IRAG1: variants seen among roughly 807,000 people sequenced by gnomAD.
IRAG1 encodes IP3R-associated cGMP kinase substrate.
IRAG1 carries 62 observed loss-of-function variants against 106.2 expected under a neutral mutation model. That is an observed-to-expected ratio of 0.58 (90% CI 0.48 to 0.72). IRAG1 has a LOEUF of 0.72. Among genes scored for constraint, IRAG1 ranks in the 30% least tolerant of loss-of-function variants. IRAG1 has a pLI of 0.00. For synonymous variants in IRAG1, 462 were observed against 443.9 expected (o/e 1.04, Z -0.51); for missense variants, 1,064 against 1,140.7 (o/e 0.93, Z 0.97).
intron 1 of IRAG1, among the ~76,000 whole-genome samples, chr11:10,680,303 AGGGAGG>A (rs1171334795): frequency 3.5e-5 from 3 of 86,910 alleles, no homozygotes; most frequent in Non-Finnish European, 6.4e-5. Context: ...AGAGAGAGAG[AGGGAGG>A]GAGGGAGGGA....
At chr11:10,603,098 A>AC in intron 14 of IRAG1, 22 bp downstream of exon 14, 1 of 1,603,360 alleles carries the variant, frequency 6.2e-7, no homozygotes, top group Non-Finnish European at 8.5e-7. Flanking sequence ...AGTTGGCAAG[A>AC]CCGGGGGCTG....
Position 10,574,675 on chromosome 11 carries a change from T to C in IRAG1, c.*1657A>G, listed in dbSNP as rs1175421526. On this transcript the variant is annotated 3_prime_UTR_variant, in exon 21 of 21. Coordinates refer to ENST00000423302, the MANE Select transcript of IRAG1 (RefSeq NM_130385.4). ...AACAGCTGGAAAAAAAACTAGTGAG[T>C]GGAGGTCCAGCACTATGAGAGAAAC... 2 of 151,634 alleles carry C rather than the reference T, an allele frequency of 1.3e-5. No individual in the cohort carries two copies. Among genetic ancestry groups the C allele is most frequent in the African/African-American group, 2.4e-5 (1 of 41,222 alleles). 9.4% of individuals were successfully genotyped at this position (151,634 alleles called of 1,614,324 possible).
At chr11:10,608,080 C>CT (rs1174939487) in intron 11 of IRAG1, among the ~76,000 whole-genome samples, 1 of 152,108 alleles carries the variant, frequency 6.6e-6, no homozygotes, top group Non-Finnish European at 1.5e-5. Flanking sequence ...TCACATTCTG[C>CT]TTTTTTGCTG....
intron 16 of IRAG1, 96 bp downstream of exon 16, chr11:10,594,050 C>A: frequency 1.8e-6 from 2 of 1,134,562 alleles, no homozygotes; most frequent in Non-Finnish European, 1.3e-6. Flanking sequence ...GATTCTCTGG[C>A]ATCCATGGAT....
At position 10,626,361 on chromosome 11, in the gene IRAG1, G is replaced by A. The variant is rs1464380178; in HGVS notation, c.973C>T (p.Pro325Ser). Reference sequence around the variant, plus strand: ...TGCTTCCCCAGCTCGCTCTCCACGGGGCCAGGCTGAGGGCTGTTCAGGGCC... The same window carrying A: ...TGCTTCCCCAGCTCGCTCTCCACGGAGCCAGGCTGAGGGCTGTTCAGGGCC... ...KMALNSPQPG[P>S]VESELGKQLL... The change falls in exon 9 of 21, where the codon CCC becomes TCC. Residue 325 changes from proline to serine, a missense_variant. Transcript: ENST00000423302. The A allele has an allele frequency of 1.9e-6, 3 of 1,613,696 alleles. No homozygotes were observed. The highest frequency in any genetic ancestry group is 1.3e-5 in the African/African-American group (1 of 74,930).
chr11:10,628,755 C>T lies in IRAG1; in HGVS notation c.648G>A (p.Pro216=), dbSNP rs188666587. Reference sequence around the variant, plus strand: ...CCCCGGGCAGCTGGGCCTCACCTGGCGGGGTGGGGACTGTAAGTGAGTTGC... The same window carrying T: ...CCCCGGGCAGCTGGGCCTCACCTGGTGGGGTGGGGACTGTAAGTGAGTTGC... The part of the protein sequence containing the change: ...SRSNSLTVPT[P]PGLDVCSGPP... Residue 216 remains proline, a synonymous_variant, in exon 6 of 21, where the codon CCG becomes CCA. Transcript: ENST00000423302. The surrounding 1 kb of genome is among the most constrained non-coding windows in gnomAD (Gnocchi z 4.1). 1.3e-3 allele frequency: 1,970 copies of T among 1,534,490 alleles called. 2 individuals are homozygous for T. Among genetic ancestry groups the T allele is most frequent in the Non-Finnish European group, 1.6e-3 (1,864 of 1,147,318 alleles).
At chr11:10,615,189 T>C (rs1444302987) in intron 10 of IRAG1, among the ~76,000 whole-genome samples, 1 of 152,206 alleles carries the variant, frequency 6.6e-6, no homozygotes, top group Non-Finnish European at 1.5e-5. Flanking sequence ...AAATGCTCAT[T>C]ATCACTGGCC....
At chr11:10,594,254 G>A (rs1161305145) in intron 15 of IRAG1, 59 bp from the exon 16 acceptor site, 2 of 1,511,418 alleles carry the variant, frequency 1.3e-6, no homozygotes, top group Non-Finnish European at 1.8e-6. Flanking sequence ...GGCACCAGCA[G>A]GAAACAGAAA....
At chr11:10,600,852 C>G (rs1853918302) in intron 15 of IRAG1, 66 bp downstream of exon 15, 3 of 1,599,210 alleles carry the variant, frequency 1.9e-6, no homozygotes, top group Admixed American at 1.7e-5. Context: ...CAGCTCTAAT[C>G]CTAGCCAAGA....
intron 10 of IRAG1, among the ~76,000 whole-genome samples, chr11:10,612,493 G>A (rs1228260582): frequency 1.3e-5 from 2 of 152,146 alleles, no homozygotes; most frequent in African/African-American, 4.8e-5. Flanking sequence ...CTAAAGGGAA[G>A]GCTAAGAGAT....
Position 10,628,117 on chromosome 11 carries a change from C to CT in IRAG1, c.653-93dup, listed in dbSNP as rs1415714584. 7.2e-5 allele frequency: 100 copies of CT among 1,386,622 alleles called. No homozygotes were observed. Among genetic ancestry groups the CT allele is most frequent in the Non-Finnish European group, 1.0e-4 (99 of 990,084 alleles). The allele number at this position is 1,386,622 out of a possible 1,614,324, so 85.9% of individuals were successfully genotyped here. On this transcript the variant is annotated intron_variant, in intron 6 of 20. Transcript: ENST00000423302. This position sits in a 1 kb window ranked among gnomAD's most constrained non-coding sequence, Gnocchi z 4.1. ...CATCTCCCTCCCCGGGCTATCCTCC[C>CT]TTTGCAATCTCAGGCCTGGAAGATT...
intron 10 of IRAG1, among the ~76,000 whole-genome samples, chr11:10,616,220 G>A (rs530247165): frequency 2.6e-4 from 39 of 150,374 alleles, no homozygotes; most frequent in African/African-American, 8.8e-4. Context: ...GTGAATCCGG[G>A]AGGTGGAGCT....
At chr11:10,632,109 G>C in intron 3 of IRAG1, 48 bp from the exon 4 acceptor site, 2 of 1,276,468 alleles carry the variant, frequency 1.6e-6, no homozygotes, top group South Asian at 2.4e-5. Flanking sequence ...TCCACAACTT[G>C]AAAATAGGTG....
intron 1 of IRAG1, among the ~76,000 whole-genome samples, chr11:10,680,210 T>G (rs1289260113): frequency 6.7e-6 from 1 of 148,434 alleles, no homozygotes; most frequent in South Asian, 2.1e-4. Flanking sequence ...GAGGTGGAGG[T>G]TGCAGTGAGC....
chr11:10,677,242 A>G (rs1246153024), intron 1 of IRAG1, among the ~76,000 whole-genome samples: 1 of 152,222 alleles, frequency 6.6e-6, no homozygotes, highest in East Asian at 1.9e-4. Context: ...CCTACCTGCC[A>G]GATCCACAAC....
intron 3 of IRAG1, among the ~76,000 whole-genome samples, chr11:10,632,664 C>G (rs2134648882): frequency 6.6e-6 from 1 of 152,312 alleles, no homozygotes; most frequent in South Asian, 2.1e-4. Flanking sequence ...CCAGGTGATT[C>G]TGACGCGTGC....
At chr11:10,661,419 T>TAAA (rs1440264073) in intron 1 of IRAG1, among the ~76,000 whole-genome samples, 1 of 152,170 alleles carries the variant, frequency 6.6e-6, no homozygotes, top group Non-Finnish European at 1.5e-5. Context: ...TTTCCACATA[T>TAAA]TTGGTGGCTT....
At chr11:10,651,999 G>C (rs1284478077) in intron 2 of IRAG1, 26 bp downstream of exon 2, 6 of 1,538,722 alleles carry the variant, frequency 3.9e-6, no homozygotes, top group Non-Finnish European at 5.3e-6. Flanking sequence ...AGCCAGGCTA[G>C]CTGAGGGCAG....
At chr11:10,650,187 T>G (rs1217649717) in intron 2 of IRAG1, among the ~76,000 whole-genome samples, 1 of 152,204 alleles carries the variant, frequency 6.6e-6, no homozygotes, top group Non-Finnish European at 1.5e-5. Context: ...ATCAAGATGT[T>G]GTAGAACTTG....
Sources: gnomAD v4.1 joint callset for allele counts (sites outside exome capture counted in the v4.1 genomes callset) on GRCh38, gnomAD v4.1.1 for gene constraint, Gnocchi (gnomAD v3.1) non-coding constraint, MANE v1.5 for transcripts, NCBI Gene and HGNC (gene_info 2026-07-23, HGNC 2026-07-21) for gene names.